The following PTPRN2 variants were observed in gnomAD, a reference collection of about 807,000 sequenced individuals.
PTPRN2 encodes the protein receptor-type tyrosine-protein phosphatase N2.
In PTPRN2, 74 loss-of-function variants were observed where a neutral mutation model predicts 118.8. That is an observed-to-expected ratio of 0.62 (90% CI 0.52 to 0.76). PTPRN2 has a LOEUF of 0.76. PTPRN2 is among the 30% of genes least tolerant of loss of function. PTPRN2 has a pLI of 0.00. For synonymous variants in PTPRN2, 641 were observed against 608.0 expected (o/e 1.05, Z -0.80); for missense variants, 1,481 against 1,394.4 (o/e 1.06, Z -0.99).
At chr7:158,410,342 G>A (rs957887989) in intron 2 of PTPRN2, among the ~76,000 whole-genome samples, 2 of 152,166 alleles carry the variant, frequency 1.3e-5, no homozygotes, top group African/African-American at 2.4e-5. Context: ...ACAGAATGAG[G>A]TCACGATGCC....
rs577580011 is a variant in PTPRN2 at position 158,517,575 on chromosome 7, G to A, written c.113-27790C>T. The stretch of plus-strand genomic sequence containing the variant: ...TGCAATCTCCTCCAACAGCCGCCAG[G>A]ATCATCTTTACAAAATGCAAAGGTC... On this transcript the variant is annotated intron_variant, in intron 1 of 22. Transcript: ENST00000389418. This position sits in a 1 kb window ranked among gnomAD's most constrained non-coding sequence, Gnocchi z 5.3. 2.0e-5 allele frequency among the ~76,000 whole-genome samples: 3 copies of A among 152,236 alleles called. No homozygotes were observed. Among genetic ancestry groups the A allele is most frequent in the Admixed American group, 1.3e-4 (2 of 15,300 alleles).
intron 11 of PTPRN2, among the ~76,000 whole-genome samples, chr7:157,935,766 TCGGCATC>T (rs1799658131): frequency 1.3e-5 from 2 of 152,190 alleles, no homozygotes; most frequent in Non-Finnish European, 2.9e-5. Flanking sequence ...CTGGGAGGCA[TCGGCATC>T]TGTGTCACTC....
chr7:158,534,582 C>T (rs1217566907), intron 1 of PTPRN2, among the ~76,000 whole-genome samples: 1 of 152,166 alleles, frequency 6.6e-6, no homozygotes, highest in African/African-American at 2.4e-5. Context: ...ATTGCCGTAC[C>T]CCAAGAGCCT....
chr7:158,367,200 C>T (rs1809606320), intron 2 of PTPRN2, among the ~76,000 whole-genome samples: 1 of 152,198 alleles, frequency 6.6e-6, no homozygotes, highest in Admixed American at 6.5e-5. Context: ...CACAAGCATG[C>T]TCCTGCTGCT....
chr7:157,818,649 G>A (rs1433063181), intron 12 of PTPRN2, among the ~76,000 whole-genome samples: 2 of 146,136 alleles, frequency 1.4e-5, no homozygotes, highest in Admixed American at 1.3e-4. Context: ...GGCCCTGGGT[G>A]TGAGTCCCTG....
chr7:158,148,949 C>G (rs1820534568), intron 6 of PTPRN2, among the ~76,000 whole-genome samples: 1 of 120,584 alleles, frequency 8.3e-6, no homozygotes. Flanking sequence ...CATCTCACGC[C>G]ACGTGTCTTT....
chr7:158,553,694 G>A (rs1192077156), intron 1 of PTPRN2, among the ~76,000 whole-genome samples: 2 of 150,738 alleles, frequency 1.3e-5, no homozygotes, highest in African/African-American at 4.9e-5. Context: ...AGGCCTGGGA[G>A]TCTACGCCAC....
chr7:157,749,585 C>G (rs1331591819), intron 12 of PTPRN2, among the ~76,000 whole-genome samples: 7 of 129,912 alleles, frequency 5.4e-5, no homozygotes, highest in African/African-American at 2.2e-4. Context: ...CTGAAGCCTG[C>G]GGCTGTGAGC....
intron 12 of PTPRN2, among the ~76,000 whole-genome samples, chr7:157,832,702 G>A (rs575513448): frequency 6.6e-6 from 1 of 152,350 alleles, no homozygotes; most frequent in South Asian, 2.1e-4. Flanking sequence ...AAACACATAT[G>A]CTTCGCGTGG....
chr7:158,053,027 C>G (rs1809456181), intron 11 of PTPRN2, among the ~76,000 whole-genome samples: 1 of 152,228 alleles, frequency 6.6e-6, no homozygotes, highest in Non-Finnish European at 1.5e-5. Flanking sequence ...CGATCCCACC[C>G]TGGCGTCTGC....
chr7:157,708,391 G>A (rs1239185219), intron 12 of PTPRN2, among the ~76,000 whole-genome samples: 1 of 152,194 alleles, frequency 6.6e-6, no homozygotes, highest in African/African-American at 2.4e-5. Context: ...GCCAGGACCT[G>A]CAGCACTCAG....
chr7:158,108,582 T>C (rs950020652), intron 10 of PTPRN2, among the ~76,000 whole-genome samples: 3 of 152,198 alleles, frequency 2.0e-5, no homozygotes, highest in Non-Finnish European at 2.9e-5. Context: ...TCATTGCATA[T>C]GTCTGTACCC....
At chr7:158,110,780 G>T (rs748189862) in intron 10 of PTPRN2, 49 bp downstream of exon 10, 21 of 1,505,978 alleles carry the variant, frequency 1.4e-5, no homozygotes, top group Non-Finnish European at 1.9e-5. Flanking sequence ...CCCAGTCTCT[G>T]CGACCAAGCA....
intron 3 of PTPRN2, among the ~76,000 whole-genome samples, chr7:158,244,852 G>A (rs1043327596): frequency 1.3e-5 from 2 of 151,580 alleles, no homozygotes; most frequent in Non-Finnish European, 2.9e-5. Flanking sequence ...AGTGTATGGG[G>A]GGCGTGTGTT....
chr7:158,311,928 T>C (rs923989013), intron 3 of PTPRN2, among the ~76,000 whole-genome samples: 2 of 139,556 alleles, frequency 1.4e-5, no homozygotes, highest in Non-Finnish European at 1.5e-5. Flanking sequence ...CACACACATG[T>C]GCTCACGTGT....
intron 11 of PTPRN2, among the ~76,000 whole-genome samples, chr7:158,075,526 A>G (rs1226626551): frequency 6.6e-6 from 1 of 152,030 alleles, no homozygotes; most frequent in Non-Finnish European, 1.5e-5. Context: ...CCAGCAGGAG[A>G]CGGGCACTGA....
rs185250079 is a variant in PTPRN2, at chr7:158,388,939, G to A, written c.164-72007C>T. On this transcript the variant is annotated intron_variant, in intron 2 of 22. Transcript: ENST00000389418. ...TTCACCCTCCAATGCTCAGTGCTGA[G>A]CTCAGCTGTGATCGATCTGAAGGAA... Among the ~76,000 whole-genome samples the A allele has an allele frequency of 5.9e-5, 9 of 152,372 alleles. No homozygotes were observed. The East Asian group carries it at 1.7e-3, about 29-fold the overall frequency.
At chr7:158,262,915 G>GCA (rs146313301) in intron 3 of PTPRN2, among the ~76,000 whole-genome samples, 10 of 126,300 alleles carry the variant, frequency 7.9e-5, no homozygotes, top group African/African-American at 3.0e-4. Context: ...CATTCACACT[G>GCA]CACACACATT....
chr7:158,154,473 C>T (rs1247929848), intron 6 of PTPRN2, among the ~76,000 whole-genome samples: 1 of 152,224 alleles, frequency 6.6e-6, no homozygotes, highest in African/African-American at 2.4e-5. Context: ...GAAAAACTCT[C>T]TCTTATGGCT....
Sources: gnomAD v4.1 joint callset for allele counts (sites outside exome capture counted in the v4.1 genomes callset) on GRCh38, gnomAD v4.1.1 for gene constraint, Gnocchi (gnomAD v3.1) non-coding constraint, MANE v1.5 for transcripts, NCBI Gene and HGNC (gene_info 2026-07-23, HGNC 2026-07-21) for gene names.